The following GALNT18 variants were observed in gnomAD, a reference collection of about 807,000 sequenced individuals.
GALNT18 encodes GalNAc-transferase 18.
In GALNT18, 44 loss-of-function variants were observed where a neutral mutation model predicts 69.5. The ratio of observed to expected loss-of-function variants is 0.63; its 90% CI spans 0.50 to 0.81. GALNT18 has a LOEUF of 0.81. Among genes scored for constraint, GALNT18 ranks in the 40% least tolerant of loss-of-function variants. The pLI is 0.00. For missense variants in GALNT18, 715 were observed against 810.0 expected, an observed-to-expected ratio of 0.88 and a Z score of 1.42; for synonymous variants, 364 against 318.2, an observed-to-expected ratio of 1.14 and a Z score of -1.53.
chr11:11,412,935 G>C (rs1375658532), intron 3 of GALNT18, among the ~76,000 whole-genome samples: 2 of 152,170 alleles, frequency 1.3e-5, no homozygotes, highest in Admixed American at 1.3e-4. Context: ...AATGATGGAA[G>C]GGAGCTAGTG....
At chr11:11,464,599 G>T (rs556199830) in intron 1 of GALNT18, among the ~76,000 whole-genome samples, 1 of 152,300 alleles carries the variant, frequency 6.6e-6, no homozygotes, top group Admixed American at 6.5e-5. Context: ...AGTACCCACA[G>T]AAAAGTGAAA....
At chr11:11,323,986 C>T (rs1392447928) in intron 9 of GALNT18, among the ~76,000 whole-genome samples, 2 of 152,118 alleles carry the variant, frequency 1.3e-5, no homozygotes, top group Non-Finnish European at 2.9e-5. Flanking sequence ...AGGGATACAG[C>T]CCTGACCTGA....
Position 11,377,651 on chromosome 11 carries a change from G to T in GALNT18, c.780-272C>A, listed in dbSNP as rs907131646. On this transcript the variant is annotated intron_variant, in intron 4 of 10. Transcript: ENST00000227756. The surrounding 1 kb of genome is among the most constrained non-coding windows in gnomAD (Gnocchi z 4.6). ...ATTCCAGCCAACCTTGTGCCTGCTC[G>T]CTTTCCCTTTCTCCATTAGAAAAAA... Among the ~76,000 whole-genome samples, 1 of 142,470 alleles carries T rather than the reference G, an allele frequency of 7.0e-6. No homozygotes were observed. The highest frequency in any genetic ancestry group is 2.6e-5 in the African/African-American group (1 of 37,792). The allele number at this position is 142,470 out of a possible 152,430, so 93.5% of individuals were successfully genotyped here.
At chr11:11,323,975 C>G (rs1360754080) in intron 9 of GALNT18, among the ~76,000 whole-genome samples, 1 of 152,134 alleles carries the variant, frequency 6.6e-6, no homozygotes, top group African/African-American at 2.4e-5. Context: ...AGTGAGGTCA[C>G]AGGGATACAG....
rs142063535 is a variant in GALNT18 at position 11,591,159 on chromosome 11, C to CGTGTGTGTGTGTGTGTGTGT, written c.235+30180_235+30199dup. Among the ~76,000 whole-genome samples, 1 of 148,958 alleles carries CGTGTGTGTGTGTGTGTGTGT rather than the reference C, an allele frequency of 6.7e-6. No homozygotes were observed. Among genetic ancestry groups the CGTGTGTGTGTGTGTGTGTGT allele is most frequent in the African/African-American group, 2.5e-5 (1 of 40,236 alleles). ...TGCTGACTCTGTAGGCCTAGGCTAC[C>CGTGTGTGTGTGTGTGTGTGT]GTGTGTGTGTGTGTGTGTGTGTGTG... On this transcript the variant is annotated intron_variant, in intron 1 of 10. Coordinates refer to ENST00000227756, the MANE Select transcript of GALNT18 (RefSeq NM_198516.3). The surrounding 1 kb of genome is among the most constrained non-coding windows in gnomAD (Gnocchi z 4.8).
At chr11:11,295,274 C>T (rs1849378369) in intron 9 of GALNT18, among the ~76,000 whole-genome samples, 1 of 152,042 alleles carries the variant, frequency 6.6e-6, no homozygotes, top group African/African-American at 2.4e-5. Flanking sequence ...AGACGGCCCA[C>T]TTTAGTAGGG....
intron 1 of GALNT18, among the ~76,000 whole-genome samples, chr11:11,485,223 C>T (rs577445287): frequency 7.1e-4 from 108 of 152,308 alleles, no homozygotes; most frequent in African/African-American, 2.4e-3. Flanking sequence ...AATTCCATTC[C>T]GACCCCATCT....
At chr11:11,526,671 C>G (rs898600191) in intron 1 of GALNT18, among the ~76,000 whole-genome samples, 2 of 152,164 alleles carry the variant, frequency 1.3e-5, no homozygotes, top group African/African-American at 4.8e-5. Context: ...GCTCCTGTGT[C>G]ATCATTGTCA....
chr11:11,477,193 C>T (rs1204027702), intron 1 of GALNT18, among the ~76,000 whole-genome samples: 1 of 152,208 alleles, frequency 6.6e-6, no homozygotes, highest in African/African-American at 2.4e-5. Context: ...AACCCAGAAC[C>T]CATGGAGGGA....
In GALNT18 at chr11:11,598,305, G is replaced by A. The variant is rs1346877154; in HGVS notation, c.235+23054C>T. Reference sequence around the variant, plus strand: ...CAGAAACTTATTCTCTAACAATTCTGGAGGCCAGAAGTCCAAAATTAGTCT... The same window carrying A: ...CAGAAACTTATTCTCTAACAATTCTAGAGGCCAGAAGTCCAAAATTAGTCT... On this transcript the variant is annotated intron_variant, in intron 1 of 10. Coordinates refer to ENST00000227756, the MANE Select transcript of GALNT18 (RefSeq NM_198516.3). This position sits in a 1 kb window ranked among gnomAD's most constrained non-coding sequence, Gnocchi z 4.8. Among the ~76,000 whole-genome samples, 2 of 152,112 alleles carry A rather than the reference G, an allele frequency of 1.3e-5. No homozygotes were observed. The highest frequency in any genetic ancestry group is 2.9e-5 in the Non-Finnish European group (2 of 68,028).
chr11:11,342,328 G>A (rs148068884), intron 6 of GALNT18, among the ~76,000 whole-genome samples: 2 of 152,128 alleles, frequency 1.3e-5, no homozygotes, highest in Non-Finnish European at 2.9e-5. Context: ...GGCTTCTGAG[G>A]GAAAGTAATC....
At chr11:11,370,746 C>T (rs1204767598) in intron 6 of GALNT18, among the ~76,000 whole-genome samples, 1 of 152,198 alleles carries the variant, frequency 6.6e-6, no homozygotes. Context: ...AGCCAGAAAT[C>T]TCCACTCTGT....
At position 11,470,356 on chromosome 11, in the gene GALNT18, A is replaced by G. The variant is rs952733639; in HGVS notation, c.236-21420T>C. ...GGAGGAAATTGTACGGTCATGCCCT[A>G]CATTCATATCTTGATCTATGGATGG... On this transcript the variant is annotated intron_variant, in intron 1 of 10. Coordinates refer to ENST00000227756, the MANE Select transcript of GALNT18 (RefSeq NM_198516.3). This position sits in a 1 kb window ranked among gnomAD's most constrained non-coding sequence, Gnocchi z 4.8. Among the ~76,000 whole-genome samples, 3 of 152,208 alleles carry G rather than the reference A, an allele frequency of 2.0e-5. No individual in the cohort carries two copies. The highest frequency in any genetic ancestry group is 7.2e-5 in the African/African-American group (3 of 41,460).
chr11:11,615,913 ATAT>A (rs1554958427), intron 1 of GALNT18, among the ~76,000 whole-genome samples: 3 of 152,258 alleles, frequency 2.0e-5, no homozygotes, highest in Non-Finnish European at 4.4e-5. Flanking sequence ...TGTATGTAAC[ATAT>A]AATACAGGCA....
At chr11:11,346,914 CCTGTCTTTGGATGT>C (rs796210695) in intron 6 of GALNT18, among the ~76,000 whole-genome samples, 8 of 152,254 alleles carry the variant, frequency 5.3e-5, no homozygotes, top group African/African-American at 1.9e-4. Context: ...TTGACTTGGA[CCTGTCTTTGGATGT>C]CAGCTTTTTC....
Position 11,454,343 on chromosome 11 carries a change from G to A in GALNT18, c.236-5407C>T, listed in dbSNP as rs1855875714. On this transcript the variant is annotated intron_variant, in intron 1 of 10. Transcript: ENST00000227756. The surrounding 1 kb of genome is among the most constrained non-coding windows in gnomAD (Gnocchi z 4.2). ...CGGTCAGTGGTAAGCAATCTCCACTGCTCTCCCAGGACTCCTCTGTAAATC... is the reference window on the plus strand; with the variant it reads ...CGGTCAGTGGTAAGCAATCTCCACTACTCTCCCAGGACTCCTCTGTAAATC... Among the ~76,000 whole-genome samples, 1 of 152,144 alleles carries A rather than the reference G, an allele frequency of 6.6e-6. No individual in the cohort carries two copies. Among genetic ancestry groups the A allele is most frequent in the African/African-American group, 2.4e-5 (1 of 41,432 alleles).
chr11:11,621,861 G>T lies in GALNT18; in HGVS notation c.-268C>A. 1.0e-5 allele frequency: 4 copies of T among 390,326 alleles called. No individual in the cohort carries two copies. The South Asian group carries it at 1.7e-4, about 17-fold the overall frequency. 24.2% of individuals were successfully genotyped at this position (390,326 alleles called of 1,614,324 possible). A position where few individuals can be genotyped will look rare whatever the true frequency, so the allele number is the denominator to read the frequency against. ...AAAAATCCCTGAACCCTTCCTAGAGGGGTCACGGGTAGCCGGCAGCCGCGC... is the reference window on the plus strand; with the variant it reads ...AAAAATCCCTGAACCCTTCCTAGAGTGGTCACGGGTAGCCGGCAGCCGCGC... On this transcript the variant is annotated 5_prime_UTR_variant, in exon 1 of 11. Transcript: ENST00000227756. The surrounding 1 kb of genome is among the most constrained non-coding windows in gnomAD (Gnocchi z 9.3).
chr11:11,451,751 A>G (rs947352282), intron 1 of GALNT18, among the ~76,000 whole-genome samples: 2 of 152,204 alleles, frequency 1.3e-5, no homozygotes, highest in Non-Finnish European at 2.9e-5. Context: ...GATCATTTCA[A>G]AATACATCAG....
At chr11:11,489,581 G>A (rs2133882632) in intron 1 of GALNT18, among the ~76,000 whole-genome samples, 1 of 152,288 alleles carries the variant, frequency 6.6e-6, no homozygotes, top group South Asian at 2.1e-4. Context: ...GGCAGAGCTT[G>A]GGAGTTGGGC....
Sources: gnomAD v4.1 joint callset for allele counts (sites outside exome capture counted in the v4.1 genomes callset) on GRCh38, gnomAD v4.1.1 for gene constraint, Gnocchi (gnomAD v3.1) non-coding constraint, MANE v1.5 for transcripts, NCBI Gene and HGNC (gene_info 2026-07-23, HGNC 2026-07-21) for gene names.